PPP6R2: variants seen among roughly 807,000 people sequenced by gnomAD.
The protein encoded by PPP6R2 is protein phosphatase 6 regulatory subunit 2.
In PPP6R2, 62 loss-of-function variants were observed where a neutral mutation model predicts 100.2. The ratio of observed to expected loss-of-function variants is 0.62; its 90% confidence interval spans 0.50 to 0.76. The LOEUF (loss-of-function observed/expected upper bound fraction) is 0.76, where lower values mean the gene tolerates loss of function less well. Among genes scored for constraint, PPP6R2 ranks in the 30% least tolerant of loss-of-function variants. PPP6R2 has a pLI of 0.00. For synonymous variants in PPP6R2, 525 were observed against 514.7 expected (o/e 1.02, Z -0.27); for missense variants, 1,142 against 1,276.3 (o/e 0.89, Z 1.60).
At chr22:50,383,335 A>G (rs1177350585) in intron 2 of PPP6R2, among the ~76,000 whole-genome samples, 1 of 152,094 alleles carries the variant, frequency 6.6e-6, no homozygotes, top group Non-Finnish European at 1.5e-5. Flanking sequence ...AAGTGTTTTC[A>G]TTTCGAGTCC....
chr22:50,359,234 T>G (rs2047280565), intron 1 of PPP6R2, among the ~76,000 whole-genome samples: 1 of 145,122 alleles, frequency 6.9e-6, no homozygotes, highest in Non-Finnish European at 1.5e-5. Flanking sequence ...TTTTTTTTTT[T>G]TTGAAACTGA....
At chr22:50,359,200 C>T (rs1331244412) in intron 1 of PPP6R2, among the ~76,000 whole-genome samples, 1 of 147,728 alleles carries the variant, frequency 6.8e-6, no homozygotes. Flanking sequence ...CGGTTTCATC[C>T]TGTTGGCCAG....
In PPP6R2 at chr22:50,411,211, T is replaced by C. The variant is rs548377036; in HGVS notation, c.415-3341T>C. Among the ~76,000 whole-genome samples, 258 of 152,272 alleles carry C rather than the reference T, an allele frequency of 1.7e-3. 1 individual carries two copies. Among genetic ancestry groups the C allele is most frequent in the Non-Finnish European group, 3.2e-3 (219 of 68,008 alleles). On this transcript the variant is annotated intron_variant, in intron 4 of 23. Transcript: ENST00000612753. Reference sequence around the variant, plus strand: ...CAGTGGCTCACTCCACCCAACACTTTGGGAGGCCGAGGTGAGTGGATCACT... The same window carrying C: ...CAGTGGCTCACTCCACCCAACACTTCGGGAGGCCGAGGTGAGTGGATCACT...
chr22:50,406,772 G>A lies in PPP6R2; in HGVS notation c.311G>A (p.Ser104Asn), dbSNP rs990587307. 17 of 1,614,064 alleles carry A rather than the reference G, an allele frequency of 1.1e-5. No individual in the cohort carries two copies. Among genetic ancestry groups the A allele is most frequent in the Non-Finnish European group, 1.4e-5 (17 of 1,179,968 alleles). The change falls in exon 4 of 24, where the codon AGC becomes AAC. Residue 104 changes from serine (S) to asparagine (N), a missense_variant. By Grantham distance (46) the Ser-to-Asn change is conservative (BLOSUM62 1). This residue lies in a region of PPP6R2 where 592 missense variants were observed against 758.9 expected (regional missense o/e 0.78). Transcript: ENST00000612753. ...DRLGGDESLL[S>N]LLYDFLDHEP... ...CTCGGTGGGGACGAGAGCCTGCTGA[G>A]CCTCCTGTACGACTTCTTGGACCAT... is the stretch of plus-strand genomic sequence containing the variant.
intron 12 of PPP6R2, 46 bp downstream of exon 12, chr22:50,432,375 G>A: frequency 6.6e-7 from 1 of 1,503,882 alleles, no homozygotes; most frequent in South Asian, 1.2e-5. Flanking sequence ...GCCAGTCAGG[G>A]ATGCAGAGAC....
intron 2 of PPP6R2, among the ~76,000 whole-genome samples, chr22:50,386,463 G>C (rs570055170): frequency 8.5e-5 from 13 of 152,230 alleles, no homozygotes; most frequent in African/African-American, 2.9e-4. Context: ...ATGAGTTTTG[G>C]AGTGGTTATA....
intron 2 of PPP6R2, among the ~76,000 whole-genome samples, chr22:50,390,238 C>T (rs189284326): frequency 3.3e-5 from 5 of 152,126 alleles, no homozygotes; most frequent in East Asian, 1.9e-4. Context: ...GTGATCCACC[C>T]GCTTCATCCT....
At chr22:50,413,844 C>G (rs2060108510) in intron 4 of PPP6R2, among the ~76,000 whole-genome samples, 1 of 152,278 alleles carries the variant, frequency 6.6e-6, no homozygotes. Flanking sequence ...GCCCAGTAGC[C>G]TGGACATAGC....
At chr22:50,414,429 G>A in intron 4 of PPP6R2, 123 bp from the exon 5 acceptor site, 1 of 1,096,448 alleles carries the variant, frequency 9.1e-7, no homozygotes, top group Non-Finnish European at 1.3e-6. Flanking sequence ...TCTTGTCTGG[G>A]TCTTTCCGTT....
intron 4 of PPP6R2, among the ~76,000 whole-genome samples, chr22:50,414,172 GGCCATCAGCTCA>G (rs1271350331): frequency 1.3e-5 from 2 of 152,136 alleles, no homozygotes; most frequent in African/African-American, 4.8e-5. Context: ...TGCCAGTGAT[GGCCATCAGCTCA>G]GCTCAGCTCT....
At position 50,394,775 on chromosome 22, in the gene PPP6R2, G is replaced by A. The variant is rs149072790; in HGVS notation, c.227+640G>A. 2.3e-3 allele frequency among the ~76,000 whole-genome samples: 344 copies of A among 151,732 alleles called. 1 individual carries two copies. The highest frequency in any genetic ancestry group is 8.0e-3 in the African/African-American group (330 of 41,402). The stretch of plus-strand genomic sequence containing the variant: ...CAAAAAATTAGCCGGGCATGGTGGC[G>A]GGCGCCCGTAGTCCCAGAGGCTACT... On this transcript the variant is annotated intron_variant, in intron 3 of 23. Coordinates refer to ENST00000612753, the MANE Select transcript of PPP6R2 (RefSeq NM_001242898.2).
chr22:50,339,271 G>A (rs1313365609), upstream of PPP6R2, among the ~76,000 whole-genome samples: 1 of 133,180 alleles, frequency 7.5e-6, no homozygotes, highest in Non-Finnish European at 1.6e-5. Context: ...ATTGTGTGGT[G>A]TGTGTAGGGT....
chr22:50,429,431 G>C (rs904461256), intron 10 of PPP6R2, among the ~76,000 whole-genome samples: 3 of 152,126 alleles, frequency 2.0e-5, no homozygotes, highest in African/African-American at 7.2e-5. Flanking sequence ...ATTTTCATAC[G>C]TCGATCCATC....
chr22:50,393,300 G>A (rs1053009372), intron 2 of PPP6R2: 33 of 732,810 alleles, frequency 4.5e-5, no homozygotes, highest in African/African-American at 5.8e-5. Context: ...TGGATGGGCC[G>A]GGTGGCTGGG....
At chr22:50,443,760 G>A (rs1603428459) in intron 22 of PPP6R2, 106 bp from the exon 23 acceptor site, 2 of 1,431,928 alleles carry the variant, frequency 1.4e-6, no homozygotes, top group Non-Finnish European at 1.9e-6. Flanking sequence ...CAAAGATGGT[G>A]CTCCCAGGCC....
At chr22:50,393,607 TG>T in intron 2 of PPP6R2, 1 of 957,854 alleles carries the variant, frequency 1.0e-6, no homozygotes, top group Non-Finnish European at 1.2e-6. Flanking sequence ...GTCCTGGAGC[TG>T]GGGGTGCAGC....
Position 50,444,443 on chromosome 22 carries a change from C to T in PPP6R2, c.*196C>T. 3.0e-6 allele frequency: 2 copies of T among 665,344 alleles called. No individual in the cohort carries two copies. The highest frequency in any genetic ancestry group is 3.9e-5 in the South Asian group (2 of 50,980). The allele number at this position is 665,344 out of a possible 1,614,324, so 41.2% of individuals were successfully genotyped here. ...CTGCCTGAGTGGGCCTCTCAGGTCA[C>T]TCGTGCCCTGCTGGAGGACAGAGGG... On this transcript the variant is annotated 3_prime_UTR_variant, in exon 24 of 24. Transcript: ENST00000612753.
chr22:50,374,365 A>G (rs1355549227), intron 2 of PPP6R2, among the ~76,000 whole-genome samples: 1 of 152,240 alleles, frequency 6.6e-6, no homozygotes, highest in East Asian at 1.9e-4. Flanking sequence ...AATTCAACAT[A>G]TGGATTAAAC....
At chr22:50,340,098 A>ATG (rs1251483619), upstream of PPP6R2, among the ~76,000 whole-genome samples, 3 of 74,982 alleles carry the variant, frequency 4.0e-5, no homozygotes, top group Admixed American at 1.5e-4. Context: ...GGTATGTAGT[A>ATG]TGTGTGGTAT....
Sources: gnomAD v4.1 joint callset for allele counts (sites outside exome capture counted in the v4.1 genomes callset) on GRCh38, gnomAD v4.1.1 for gene constraint, gnomAD v4.1.1 regional missense constraint, MANE v1.5 for transcripts, NCBI Gene and HGNC (gene_info 2026-07-23, HGNC 2026-07-21) for gene names.